The following PTPRD variants were observed in gnomAD, a reference collection of about 807,000 sequenced individuals.
The protein encoded by PTPRD is protein tyrosine phosphatase receptor type D, also known as receptor-type tyrosine-protein phosphatase delta.
PTPRD carries 34 observed loss-of-function variants against 214.5 expected under a neutral mutation model. The ratio of observed to expected loss-of-function variants is 0.16; its 90% confidence interval spans 0.12 to 0.21. The LOEUF (loss-of-function observed/expected upper bound fraction) is 0.21. Among genes scored for constraint, PTPRD ranks in the 10% least tolerant of loss-of-function variants. PTPRD has a pLI of 1.00. For synonymous variants in PTPRD, 1,128 were observed against 845.7 expected (o/e 1.33, Z -5.79); for missense variants, 2,545 against 2,398.7 (o/e 1.06, Z -1.27).
intron 2 of PTPRD, among the ~76,000 whole-genome samples, chr9:10,494,577 C>A (rs1464559951): frequency 6.7e-6 from 1 of 149,792 alleles, no homozygotes; most frequent in Non-Finnish European, 1.5e-5. Context: ...GTTTTGTTTA[C>A]CTGCTGTATG....
chr9:10,404,516 C>T (rs2098328970), intron 2 of PTPRD, among the ~76,000 whole-genome samples: 1 of 151,688 alleles, frequency 6.6e-6, no homozygotes, highest in African/African-American at 2.4e-5. Flanking sequence ...AATCATAGTA[C>T]ACAAATGATG....
chr9:9,815,027 G>A (rs1015772074), intron 5 of PTPRD, among the ~76,000 whole-genome samples: 76 of 152,026 alleles, frequency 5.0e-4, no homozygotes, highest in Middle Eastern at 3.4e-3. Flanking sequence ...CTCCCAAAGT[G>A]TTCGTAAAGC....
At chr9:9,205,700 C>G (rs2132510114) in intron 9 of PTPRD, among the ~76,000 whole-genome samples, 1 of 152,104 alleles carries the variant, frequency 6.6e-6, no homozygotes, top group Non-Finnish European at 1.5e-5. Context: ...CTGTAATTGC[C>G]AAGTCAATAC....
chr9:10,349,976 T>C (rs1389383964), intron 2 of PTPRD, among the ~76,000 whole-genome samples: 1 of 152,174 alleles, frequency 6.6e-6, no homozygotes, highest in East Asian at 1.9e-4. Flanking sequence ...CCTTTTTGTT[T>C]TAAATAATTG....
chr9:9,756,353 T>G (rs2098577913), intron 6 of PTPRD, among the ~76,000 whole-genome samples: 2 of 152,090 alleles, frequency 1.3e-5, no homozygotes, highest in Non-Finnish European at 1.5e-5. Flanking sequence ...CTAGTTCCTT[T>G]GGATTCAAAA....
chr9:10,604,681 C>T (rs1323945042), intron 2 of PTPRD, among the ~76,000 whole-genome samples: 1 of 151,774 alleles, frequency 6.6e-6, no homozygotes, highest in African/African-American at 2.4e-5. Context: ...ACAATAAATA[C>T]ATCTATTCAG....
At chr9:9,887,855 T>C (rs1283037795) in intron 5 of PTPRD, among the ~76,000 whole-genome samples, 1 of 152,160 alleles carries the variant, frequency 6.6e-6, no homozygotes, top group African/African-American at 2.4e-5. Context: ...GGAATATCTA[T>C]TCCATTACCT....
At chr9:8,832,196 G>C (rs749114802) in intron 11 of PTPRD, among the ~76,000 whole-genome samples, 6 of 151,642 alleles carry the variant, frequency 4.0e-5, no homozygotes, top group Non-Finnish European at 5.9e-5. Flanking sequence ...TAAGAATCCT[G>C]CAATAAAAAC....
At chr9:10,536,737 A>C (rs1352924940) in intron 2 of PTPRD, among the ~76,000 whole-genome samples, 1 of 152,140 alleles carries the variant, frequency 6.6e-6, no homozygotes, top group East Asian at 1.9e-4. Flanking sequence ...GCAGAGAATA[A>C]AAAACATAAG....
intron 11 of PTPRD, among the ~76,000 whole-genome samples, chr9:9,006,277 G>A (rs960505466): frequency 6.6e-6 from 1 of 152,016 alleles, no homozygotes; most frequent in Non-Finnish European, 1.5e-5. Context: ...TGGGCTATGA[G>A]AGCAAATATA....
At chr9:10,432,358 G>A (rs2098688323) in intron 2 of PTPRD, among the ~76,000 whole-genome samples, 1 of 151,270 alleles carries the variant, frequency 6.6e-6, no homozygotes, top group Admixed American at 6.6e-5. Context: ...AGTGGGTGCA[G>A]CGCACCAGCA....
chr9:9,196,301 G>T (rs540005573), intron 9 of PTPRD, among the ~76,000 whole-genome samples: 1 of 152,172 alleles, frequency 6.6e-6, no homozygotes, highest in East Asian at 1.9e-4. Flanking sequence ...ATGCATATTT[G>T]GTTCCATCCA....
At chr9:9,907,482 C>T (rs573210667) in intron 5 of PTPRD, among the ~76,000 whole-genome samples, 1 of 151,978 alleles carries the variant, frequency 6.6e-6, no homozygotes, top group South Asian at 2.1e-4. Context: ...TGTCTTCTTA[C>T]TATGTCCTCA....
intron 35 of PTPRD, among the ~76,000 whole-genome samples, 163 bp downstream of exon 35, chr9:8,436,429 T>C (rs1218349855): frequency 6.6e-6 from 1 of 152,252 alleles, no homozygotes; most frequent in African/African-American, 2.4e-5. Context: ...CTATATTGCT[T>C]GTGCAGACAC....
intron 10 of PTPRD, among the ~76,000 whole-genome samples, chr9:9,019,297 A>AAAGAAAGAAAGGAAGAAAGG (rs2099550943): frequency 1.8e-5 from 1 of 55,120 alleles, no homozygotes; most frequent in African/African-American, 6.8e-5. Flanking sequence ...AGAAAGAAAG[A>AAAGAAAGAAAGGAAGAAAGG]AAGAAAGAAA....
chr9:10,190,938 G>C (rs2154320420), intron 3 of PTPRD, among the ~76,000 whole-genome samples: 1 of 152,012 alleles, frequency 6.6e-6, no homozygotes, highest in East Asian at 1.9e-4. Context: ...TTGTTACTGG[G>C]AATAAGAAAA....
At chr9:9,386,852 A>G (rs2064035897) in intron 9 of PTPRD, among the ~76,000 whole-genome samples, 2 of 152,154 alleles carry the variant, frequency 1.3e-5, no homozygotes, top group African/African-American at 4.8e-5. Context: ...ATGAAATAAA[A>G]GGGAACTGAA....
chr9:8,603,048 T>G (rs923753212), intron 14 of PTPRD, among the ~76,000 whole-genome samples: 1 of 152,200 alleles, frequency 6.6e-6, no homozygotes, highest in African/African-American at 2.4e-5. Flanking sequence ...AATCAATTTT[T>G]AGGTTTCAAA....
chr9:9,690,109 C>T (rs1309390416), intron 7 of PTPRD, among the ~76,000 whole-genome samples: 1 of 151,932 alleles, frequency 6.6e-6, no homozygotes, highest in Non-Finnish European at 1.5e-5. Context: ...CTCCTTCCCA[C>T]ATTGTATGGG....
Sources: gnomAD v4.1 joint callset for allele counts (sites outside exome capture counted in the v4.1 genomes callset) on GRCh38, gnomAD v4.1.1 for gene constraint, MANE v1.5 for transcripts, NCBI Gene and HGNC (gene_info 2026-07-23, HGNC 2026-07-21) for gene names.